The following CFAP251 variants were observed in gnomAD, a reference collection of about 807,000 sequenced individuals.
CFAP251 encodes cilia- and flagella-associated protein 251.
CFAP251 carries 93 observed loss-of-function variants against 126.7 expected under a neutral mutation model. The ratio of observed to expected loss-of-function variants is 0.73; its 90% CI spans 0.62 to 0.87. CFAP251 has a LOEUF of 0.87. CFAP251 is among the 40% of genes least tolerant of loss of function. CFAP251 has a pLI of 0.00. For synonymous variants in CFAP251, 503 were observed against 506.9 expected (o/e 0.99, Z 0.10); for missense variants, 1,287 against 1,389.2 (o/e 0.93, Z 1.17).
intron 3 of CFAP251, among the ~76,000 whole-genome samples, chr12:121,931,355 C>T (rs1375082458): frequency 1.3e-5 from 2 of 152,054 alleles, no homozygotes; most frequent in South Asian, 2.1e-4. Flanking sequence ...CACTGTCGCC[C>T]GGGCTGGAGT....
chr12:121,962,054 A>C lies in CFAP251; in HGVS notation c.2384A>C (p.Tyr795Ser). The change falls in exon 15 of 22, where the codon TAT (tyrosine) becomes TCT (serine). Residue 795 changes from tyrosine (Y) to serine (S), a missense_variant. By Grantham distance (144) the Tyr-to-Ser change is moderately radical. Coordinates refer to ENST00000288912, the MANE Select transcript of CFAP251 (RefSeq NM_144668.6). Reference sequence around the variant, plus strand: ...ATTCACCACACCGACCAGGGCTGCTATCCCACCTGCATGGTCTGGTACCCA... The same window carrying C: ...ATTCACCACACCGACCAGGGCTGCTCTCCCACCTGCATGGTCTGGTACCCA... ...LDIHHTDQGC[Y>S]PTCMVWYPPL... 6.2e-7 allele frequency: 1 copy of C among 1,614,024 alleles called. No individual in the cohort carries two copies. The highest frequency in any genetic ancestry group is 8.5e-7 in the Non-Finnish European group (1 of 1,180,030).
intron 17 of CFAP251, among the ~76,000 whole-genome samples, chr12:121,968,381 C>T (rs572536826): frequency 4.5e-4 from 68 of 152,276 alleles, no homozygotes; most frequent in Middle Eastern, 3.4e-3. Context: ...GCAGTTCAGG[C>T]GATGTGACAG....
intron 13 of CFAP251, 68 bp downstream of exon 13, chr12:121,959,162 C>CAT: frequency 6.8e-7 from 1 of 1,461,946 alleles, no homozygotes; most frequent in South Asian, 1.4e-5. Flanking sequence ...AGAGGCCAGA[C>CAT]ATAGTAGCTA....
chr12:121,964,579 G>A (rs1882057613), intron 15 of CFAP251, among the ~76,000 whole-genome samples: 1 of 152,140 alleles, frequency 6.6e-6, no homozygotes, highest in Non-Finnish European at 1.5e-5. Flanking sequence ...TTATCAAGGT[G>A]ATACTCACGT....
intron 17 of CFAP251, chr12:121,971,933 T>G: frequency 3.4e-6 from 1 of 293,056 alleles, no homozygotes; most frequent in South Asian, 4.0e-5. Flanking sequence ...GATGGTTTGA[T>G]AAGGGGAAAC....
At chr12:121,971,886 G>A (rs899066359) in intron 17 of CFAP251, 11 of 411,716 alleles carry the variant, frequency 2.7e-5, no homozygotes, top group Admixed American at 2.5e-4. Flanking sequence ...TTTCCCCCAT[G>A]TTGTTCTCGT....
At position 121,918,882 on chromosome 12, in the gene CFAP251, C is replaced by G. The variant is rs1880030639; in HGVS notation, c.-21+187C>G. 6.6e-6 allele frequency among the ~76,000 whole-genome samples: 1 copy of G among 152,154 alleles called. No individual in the cohort carries two copies. Among genetic ancestry groups the G allele is most frequent in the South Asian group, 2.1e-4 (1 of 4,824 alleles). On this transcript the variant is annotated intron_variant, in intron 1 of 21. Transcript: ENST00000288912. This position sits in a 1 kb window ranked among gnomAD's most constrained non-coding sequence, Gnocchi z 4.3. ...CCTGGGCTTTAATCCCCTCGCAGAG[C>G]CACGCACCTGGCACCCCTGCCCCAA...
intron 5 of CFAP251, among the ~76,000 whole-genome samples, chr12:121,936,886 G>A (rs899433173): frequency 1.3e-5 from 2 of 152,028 alleles, no homozygotes; most frequent in African/African-American, 4.8e-5. Context: ...AGGGGAGAAG[G>A]GAAGGGGCCC....
chr12:121,929,925 G>A (rs528914671), intron 3 of CFAP251, among the ~76,000 whole-genome samples: 20 of 152,206 alleles, frequency 1.3e-4, no homozygotes, highest in African/African-American at 4.6e-4. Flanking sequence ...TGATCCACCC[G>A]CCTCGGCCTC....
At chr12:121,975,441 C>A (rs1182201883) in intron 18 of CFAP251, 101 bp from the exon 19 acceptor site, 3 of 1,571,116 alleles carry the variant, frequency 1.9e-6, no homozygotes, top group African/African-American at 2.7e-5. Flanking sequence ...TTCCCCCATT[C>A]AGCTTAAAAG....
At chr12:121,968,450 C>A (rs564162089) in intron 17 of CFAP251, among the ~76,000 whole-genome samples, 2 of 152,324 alleles carry the variant, frequency 1.3e-5, no homozygotes, top group African/African-American at 4.8e-5. Flanking sequence ...CATATCCACA[C>A]CTGCTAGAAA....
intron 5 of CFAP251, among the ~76,000 whole-genome samples, chr12:121,938,605 C>T (rs1048307706): frequency 6.0e-5 from 9 of 149,658 alleles, no homozygotes; most frequent in Non-Finnish European, 1.2e-4. Context: ...GCTGGGATTA[C>T]AGGCGTGAGC....
chr12:121,972,598 C>T (rs1445374301), intron 17 of CFAP251, among the ~76,000 whole-genome samples: 2 of 151,888 alleles, frequency 1.3e-5, no homozygotes, highest in East Asian at 3.9e-4. Context: ...AAGTGATTCT[C>T]CTGCCTCAGC....
At chr12:121,925,797 C>T (rs914523174) in intron 3 of CFAP251, among the ~76,000 whole-genome samples, 5 of 152,114 alleles carry the variant, frequency 3.3e-5, no homozygotes, top group African/African-American at 1.2e-4. Context: ...AACGGCAGAA[C>T]CAAAAATTTT....
In CFAP251 at chr12:121,957,098, G is replaced by T; in HGVS notation, c.1560G>T (p.Lys520Asn). ...GCTACATTGTCACAGGTGACATTAA[G>T]GGGAACATTAAGTTCTATGATCACA... The part of the protein sequence containing the change: ...IDSYIVTGDI[K>N]GNIKFYDHTL... Residue 520 changes from lysine to asparagine, a missense_variant, in exon 11 of 22, where the codon AAG (lysine) becomes AAT (asparagine). By Grantham distance (94) the Lys-to-Asn change is moderately conservative. Coordinates refer to ENST00000288912, the MANE Select transcript of CFAP251 (RefSeq NM_144668.6). 6.2e-7 allele frequency: 1 copy of T among 1,600,140 alleles called. No individual in the cohort carries two copies. Among genetic ancestry groups the T allele is most frequent in the Non-Finnish European group, 8.5e-7 (1 of 1,175,156 alleles).
rs1396190201 is a variant in CFAP251, at chr12:122,001,552, G to C, written c.3291G>C (p.Leu1097=). Reference sequence around the variant, plus strand: ...ATTGCTTTGCTTCACTGTTTGGCCTGAATCCCGAGGGATGGAAATCCGAGC... The same window carrying C: ...ATTGCTTTGCTTCACTGTTTGGCCTCAATCCCGAGGGATGGAAATCCGAGC... ...MLDCFASLFG[L]NPEGWKSEPA... The change falls in exon 21 of 22, where the codon CTG becomes CTC. Residue 1097 remains leucine, a synonymous_variant. Transcript: ENST00000288912. 1 of 1,614,138 alleles carries C rather than the reference G, an allele frequency of 6.2e-7. No homozygotes were observed. The highest frequency in any genetic ancestry group is 1.3e-5 in the African/African-American group (1 of 75,028).
intron 9 of CFAP251, chr12:121,952,548 G>A (rs1881571086): frequency 6.6e-6 from 1 of 152,210 alleles, no homozygotes; most frequent in Non-Finnish European, 1.5e-5. Flanking sequence ...GCCAATAAGA[G>A]GGAGGTGAAC....
intron 15 of CFAP251, among the ~76,000 whole-genome samples, chr12:121,962,708 A>AAAAGG (rs1555218766): frequency 8.4e-4 from 125 of 148,122 alleles, no homozygotes; most frequent in Non-Finnish European, 1.5e-3. Flanking sequence ...AGAAAAAAAA[A>AAAAGG]AAAAGGAAAA....
chr12:121,957,249 G>T lies in CFAP251; in HGVS notation c.1711G>T (p.Gly571Cys). The change falls in exon 11 of 22, where the codon GGT becomes TGT. Residue 571 changes from glycine (G) to cysteine (C), a missense_variant. Coordinates refer to ENST00000288912, the MANE Select transcript of CFAP251 (RefSeq NM_144668.6). ...SNYPPDCTLK[G>C]DLFVLRNFII... ...CTATCCTCCTGACTGCACTTTAAAA[G>T]GTGACCTTTTTGTCTTAAGGTAAGT... 6.2e-7 allele frequency: 1 copy of T among 1,610,196 alleles called. No individual in the cohort carries two copies.
Sources: allele counts gnomAD v4.1 joint callset (sites outside exome capture counted in the v4.1 genomes callset), GRCh38; gene constraint gnomAD v4.1.1; non-coding constraint Gnocchi (gnomAD v3.1); transcripts MANE v1.5; gene names NCBI Gene and HGNC (gene_info 2026-07-23, HGNC 2026-07-21).